The following COL27A1 variants were observed in gnomAD, a reference collection of about 807,000 sequenced individuals.
COL27A1 encodes the protein collagen alpha-1(XXVII) chain.
COL27A1 carries 106 observed loss-of-function variants against 251.3 expected under a neutral mutation model. The ratio of observed to expected loss-of-function variants is 0.42; its 90% CI spans 0.36 to 0.50. The LOEUF (loss-of-function observed/expected upper bound fraction) is 0.50, where lower values mean the gene tolerates loss of function less well. Ranked by LOEUF, COL27A1 falls within the 20% of genes least tolerant of loss-of-function variation. COL27A1 has a pLI of 0.00. For synonymous variants in COL27A1, 1,000 were observed against 986.3 expected (o/e 1.01, Z -0.26); for missense variants, 2,325 against 2,522.8 (o/e 0.92, Z 1.68).
Position 114,160,195 on chromosome 9 carries a change from C to T in COL27A1, c.63-2520C>T, listed in dbSNP as rs558491221. Among the ~76,000 whole-genome samples the T allele has an allele frequency of 8.6e-5, 13 of 151,408 alleles. No individual in the cohort carries two copies. The South Asian group carries it at 2.7e-3, about 32-fold the overall frequency. ...TTTGAGGCAGAGTCTCGCTCTGTCG[C>T]CCAGGCTGGAGTGCAGTGGCATGAA... is the stretch of plus-strand genomic sequence containing the variant. On this transcript the variant is annotated intron_variant, in intron 1 of 60. Coordinates refer to ENST00000356083, the MANE Select transcript of COL27A1 (RefSeq NM_032888.4).
chr9:114,301,746 G>A (rs780331558), intron 55 of COL27A1, 29 bp downstream of exon 55: 19 of 1,605,810 alleles, frequency 1.2e-5, no homozygotes, highest in Non-Finnish European at 1.6e-5. Context: ...GGTGCATCTT[G>A]GACTCCTGGG....
At chr9:114,237,953 C>T (rs1177427217) in intron 19 of COL27A1, among the ~76,000 whole-genome samples, 1 of 152,228 alleles carries the variant, frequency 6.6e-6, no homozygotes, top group African/African-American at 2.4e-5. Context: ...GAGTCCTCTG[C>T]CAACTTTGTG....
chr9:114,306,201 A>G (rs909172235), intron 57 of COL27A1: 11 of 214,384 alleles, frequency 5.1e-5, no homozygotes, highest in African/African-American at 2.6e-4. Context: ...CTTTGCAGAT[A>G]GAGATTGGGC....
intron 5 of COL27A1, among the ~76,000 whole-genome samples, chr9:114,187,433 C>A (rs1464532317): frequency 6.6e-6 from 1 of 152,260 alleles, no homozygotes; most frequent in African/African-American, 2.4e-5. Flanking sequence ...CGGCCAAGAG[C>A]TTTATGTACT....
At position 114,289,973 on chromosome 9, in the gene COL27A1, A is replaced by G. The variant is rs946423481; in HGVS notation, c.4207-85A>G. 2.7e-6 allele frequency: 4 copies of G among 1,456,710 alleles called. No individual in the cohort carries two copies. In the South Asian group the frequency reaches 4.6e-5, roughly 17 times the overall value. The allele number at this position is 1,456,710 out of a possible 1,614,324, so 90.2% of individuals were successfully genotyped here. ...ATCAGATGTTCACCCAGGGGCCCAC[A>G]ATCCTCTCAGTCCCTCCTTCCAGAG... On this transcript the variant is annotated intron_variant, in intron 45 of 60. Coordinates refer to ENST00000356083, the MANE Select transcript of COL27A1 (RefSeq NM_032888.4).
chr9:114,183,386 A>T (rs1181309721), intron 5 of COL27A1, among the ~76,000 whole-genome samples: 2 of 152,222 alleles, frequency 1.3e-5, no homozygotes, highest in Non-Finnish European at 2.9e-5. Context: ...TAAGAACATA[A>T]GGCTTACCGG....
At chr9:114,300,318 C>T (rs1828530476) in intron 50 of COL27A1, 195 bp downstream of exon 50, 1 of 617,356 alleles carries the variant, frequency 1.6e-6, no homozygotes, top group South Asian at 2.0e-5. Flanking sequence ...ATTACCTGCT[C>T]TGTGCCTTGC....
chr9:114,302,637 G>A (rs1217329524), intron 56 of COL27A1, among the ~76,000 whole-genome samples: 2 of 151,706 alleles, frequency 1.3e-5, no homozygotes, highest in Non-Finnish European at 2.9e-5. Context: ...GAACCCGGGA[G>A]GAGGAGGCTG....
Position 114,259,998 on chromosome 9 carries a change from G to GA in COL27A1, c.3195+1404_3195+1405insA, listed in dbSNP as rs1455456291. On this transcript the variant is annotated intron_variant, in intron 28 of 60. Coordinates refer to ENST00000356083, the MANE Select transcript of COL27A1 (RefSeq NM_032888.4). ...TCCGGTGCCCATGTCCTCTGGGTGG[G>GA]GGGGGGGTCTCTTCAAATGGGCCTT... is the stretch of plus-strand genomic sequence containing the variant. Among the ~76,000 whole-genome samples the GA allele has an allele frequency of 6.9e-3, 1,046 of 151,198 alleles. 12 individuals are homozygous for GA. The highest frequency in any genetic ancestry group is 0.024 in the African/African-American group (1,002 of 41,210).
At chr9:114,190,166 G>C (rs1828654554) in intron 5 of COL27A1, among the ~76,000 whole-genome samples, 1 of 152,218 alleles carries the variant, frequency 6.6e-6, no homozygotes, top group Non-Finnish European at 1.5e-5. Context: ...TTGCTCATTT[G>C]TGAAACATTT....
intron 4 of COL27A1, among the ~76,000 whole-genome samples, chr9:114,180,856 A>G (rs2135160687): frequency 6.6e-6 from 1 of 152,242 alleles, no homozygotes; most frequent in African/African-American, 2.4e-5. Context: ...GGAAACAGGA[A>G]GCCCCCACCT....
In COL27A1 at chr9:114,301,708, C is replaced by G; in HGVS notation, c.4836C>G (p.Pro1612=). ...GTCCTCCCGGCCCCAGAGGGCGGCC[C>G]GGCCCCCCGGTAGGTAACTGAGTGC... ...PRGPPGPRGR[P]GPPGPPGGPI... Residue 1612 remains proline (P), a synonymous_variant, in exon 55 of 61, where the codon CCC becomes CCG. Coordinates refer to ENST00000356083, the MANE Select transcript of COL27A1 (RefSeq NM_032888.4). 6.2e-7 allele frequency: 1 copy of G among 1,612,084 alleles called. No homozygotes were observed. The highest frequency in any genetic ancestry group is 8.5e-7 in the Non-Finnish European group (1 of 1,179,230).
chr9:114,249,403 T>C (rs1444162440), intron 24 of COL27A1, among the ~76,000 whole-genome samples: 1 of 152,158 alleles, frequency 6.6e-6, no homozygotes, highest in Non-Finnish European at 1.5e-5. Flanking sequence ...GGATCCACCA[T>C]GCGTAGTGCC....
intron 12 of COL27A1, among the ~76,000 whole-genome samples, chr9:114,213,428 G>A (rs1830495017): frequency 6.6e-6 from 1 of 152,126 alleles, no homozygotes; most frequent in South Asian, 2.1e-4. Flanking sequence ...CAGGTTTGAG[G>A]TCCCATTATC....
rs138403594 is a variant in COL27A1 at position 114,191,452 on chromosome 9, G to A, written c.2017-2952G>A. Among the ~76,000 whole-genome samples, 76 of 152,138 alleles carry A rather than the reference G, an allele frequency of 5.0e-4. No individual in the cohort carries two copies. The East Asian group carries it at 0.014, about 29-fold the overall frequency. On this transcript the variant is annotated intron_variant, in intron 5 of 60. Transcript: ENST00000356083. Reference sequence around the variant, plus strand: ...CTGCCACCGACAGGCCCCAGTGTATGTTGTTCATCCCAGTGCGTCCATGTG... The same window carrying A: ...CTGCCACCGACAGGCCCCAGTGTATATTGTTCATCCCAGTGCGTCCATGTG...
chr9:114,183,122 G>A, intron 5 of COL27A1, 47 bp downstream of exon 5: 2 of 1,564,606 alleles, frequency 1.3e-6, no homozygotes, highest in Non-Finnish European at 1.8e-6. Context: ...GCTGGGGTTG[G>A]AGCCATGTTT....
chr9:114,300,984 C>T (rs1828582059), intron 51 of COL27A1, 88 bp from the exon 52 acceptor site: 5 of 1,316,838 alleles, frequency 3.8e-6, no homozygotes, highest in Non-Finnish European at 5.3e-6. Context: ...TACTCCCTTG[C>T]GACGCTCGGG....
At chr9:114,199,276 T>C (rs1219969424) in intron 7 of COL27A1, among the ~76,000 whole-genome samples, 1 of 152,146 alleles carries the variant, frequency 6.6e-6, no homozygotes, top group Non-Finnish European at 1.5e-5. Context: ...TACTGGCTTC[T>C]AATGAGTAGA....
chr9:114,252,527 C>G (rs1833610875), intron 25 of COL27A1, 66 bp from the exon 26 acceptor site: 1 of 1,419,702 alleles, frequency 7.0e-7, no homozygotes. Context: ...CCCTCTGCAC[C>G]TGCCTCCCAC....
Sources: gnomAD v4.1 joint callset for allele counts (sites outside exome capture counted in the v4.1 genomes callset) on GRCh38, gnomAD v4.1.1 for gene constraint, MANE v1.5 for transcripts, NCBI Gene and HGNC (gene_info 2026-07-23, HGNC 2026-07-21) for gene names.